Variants in TANC2 observed in about 807,000 individuals in gnomAD.
TANC2 encodes the protein tetratricopeptide repeat, ankyrin repeat and coiled-coil containing 2.
TANC2 carries 26 observed loss-of-function variants against 210.5 expected under a neutral mutation model. The observed-to-expected ratio is 0.12, with a 90% confidence interval of 0.09 to 0.17. TANC2 has a LOEUF of 0.17. Among genes scored for constraint, TANC2 ranks in the 10% least tolerant of loss-of-function variants. The probability of loss-of-function intolerance (pLI) is 1.00; values close to 1 mark genes in which losing one functional copy is unlikely to be tolerated. For synonymous variants in TANC2, 931 were observed against 967.1 expected, an observed-to-expected ratio of 0.96 and a Z score of 0.69; for missense variants, 2,129 against 2,608.9, an observed-to-expected ratio of 0.82 and a Z score of 4.01.
intron 2 of TANC2, among the ~76,000 whole-genome samples, chr17:63,052,050 G>T (rs2035601589): frequency 6.6e-6 from 1 of 152,198 alleles, no homozygotes; most frequent in Admixed American, 6.5e-5. Flanking sequence ...AAGCACAGAA[G>T]AGAGAAGTTC....
chr17:63,111,164 A>T (rs143910978), intron 4 of TANC2, among the ~76,000 whole-genome samples: 4,478 of 152,126 alleles, frequency 0.029, 82 homozygotes, highest in South Asian at 0.037. Flanking sequence ...ATACAAAAAA[A>T]ATTAGCTGGG....
At chr17:63,137,036 A>G (rs1349015255) in intron 4 of TANC2, among the ~76,000 whole-genome samples, 3 of 152,242 alleles carry the variant, frequency 2.0e-5, no homozygotes, top group East Asian at 1.9e-4. Context: ...GGCTAAAGAA[A>G]GAACTGAACA....
chr17:63,218,587 A>G (rs1276240613), intron 7 of TANC2, among the ~76,000 whole-genome samples: 1 of 152,078 alleles, frequency 6.6e-6, no homozygotes, highest in Non-Finnish European at 1.5e-5. Context: ...AAATCTACCA[A>G]AAATAACTAT....
At position 63,156,175 on chromosome 17, in the gene TANC2, T is replaced by G. The variant is rs75663234; in HGVS notation, c.433+4795T>G. Among the ~76,000 whole-genome samples, 1,300 of 152,304 alleles carry G rather than the reference T, an allele frequency of 8.5e-3. 16 individuals carry two copies. Among genetic ancestry groups the G allele is most frequent in the African/African-American group, 0.029 (1,191 of 41,572 alleles). The stretch of plus-strand genomic sequence containing the variant: ...GTACCAAGAGCCTTTTCCTCCTGTT[T>G]CATATCTTTTGTTATATTGTGTTTG... On this transcript the variant is annotated intron_variant, in intron 5 of 27. Transcript: ENST00000689528.
rs148150952 is a variant in TANC2, at chr17:63,229,186, C to G, written c.770-8628C>G. Among the ~76,000 whole-genome samples, 291 of 152,214 alleles carry G rather than the reference C, an allele frequency of 1.9e-3. 1 individual carries two copies. The highest frequency in any genetic ancestry group is 6.8e-3 in the African/African-American group (283 of 41,542). On this transcript the variant is annotated intron_variant, in intron 7 of 27. Coordinates refer to ENST00000689528, the Ensembl canonical transcript of TANC2. ...CCTTTTCTACGTCTATTGAAATGAT[C>G]ATGTGGTTTTTGTCTTTCCTTCTCT...
intron 26 of TANC2, among the ~76,000 whole-genome samples, chr17:63,417,871 C>T (rs2048913064): frequency 6.6e-6 from 1 of 152,172 alleles, no homozygotes; most frequent in South Asian, 2.1e-4. Flanking sequence ...ACCTTCTCAC[C>T]TGTCCCTTAG....
intron 1 of TANC2, among the ~76,000 whole-genome samples, chr17:62,971,433 G>A (rs749629704): frequency 3.3e-5 from 5 of 152,124 alleles, no homozygotes; most frequent in Non-Finnish European, 7.4e-5. Context: ...GGGCTCAGGC[G>A]ATCCTCTCAC....
At chr17:63,321,048 A>G (rs530918232) in intron 11 of TANC2, among the ~76,000 whole-genome samples, 1 of 152,250 alleles carries the variant, frequency 6.6e-6, no homozygotes, top group South Asian at 2.1e-4. Flanking sequence ...AAATACAAAA[A>G]TTAGCCAGGT....
chr17:63,288,510 C>A (rs928160024), intron 9 of TANC2, among the ~76,000 whole-genome samples: 1 of 152,148 alleles, frequency 6.6e-6, no homozygotes, highest in Non-Finnish European at 1.5e-5. Flanking sequence ...TGGGTAAAGT[C>A]ATCTATGGAT....
At chr17:63,163,016 G>T (rs146016572) in intron 5 of TANC2, among the ~76,000 whole-genome samples, 251 of 151,990 alleles carry the variant, frequency 1.7e-3, no homozygotes, top group African/African-American at 5.9e-3. Flanking sequence ...GGTTTGGCCA[G>T]ATTGGAATGA....
At chr17:63,000,564 T>G (rs2033327183) in intron 1 of TANC2, among the ~76,000 whole-genome samples, 1 of 152,152 alleles carries the variant, frequency 6.6e-6, no homozygotes, top group Admixed American at 6.5e-5. Context: ...ACATAAAAGC[T>G]TAGGGACCAT....
In TANC2 at chr17:63,324,500, T is replaced by C. The variant is rs181038575; in HGVS notation, c.1575+5410T>C. Reference sequence around the variant, plus strand: ...AAACATGCACACACACACACATACATACACAGAAAATGAAAAACAATAATG... The same window carrying C: ...AAACATGCACACACACACACATACACACACAGAAAATGAAAAACAATAATG... On this transcript the variant is annotated intron_variant, in intron 11 of 27. Coordinates refer to ENST00000689528, the Ensembl canonical transcript of TANC2. 3.3e-5 allele frequency among the ~76,000 whole-genome samples: 5 copies of C among 152,224 alleles called. No individual in the cohort carries two copies. In the East Asian group the frequency reaches 9.6e-4, roughly 29 times the overall value.
At chr17:63,226,123 A>G (rs72845217) in intron 7 of TANC2, among the ~76,000 whole-genome samples, 21,922 of 152,172 alleles carry the variant, frequency 0.14, 2,032 homozygotes, top group Middle Eastern at 0.21. Flanking sequence ...TATTTTGATT[A>G]CTGTTTTTCA....
intron 14 of TANC2, 119 bp from the exon 15 acceptor site, chr17:63,379,599 G>T: frequency 3.1e-6 from 2 of 638,358 alleles, no homozygotes; most frequent in South Asian, 5.2e-5. Flanking sequence ...AACCCAAGAG[G>T]TGGAGGCTGC....
At chr17:63,051,569 A>G (rs763454874) in intron 2 of TANC2, among the ~76,000 whole-genome samples, 5 of 152,224 alleles carry the variant, frequency 3.3e-5, no homozygotes, top group South Asian at 2.1e-4. Flanking sequence ...GGATCAGTCA[A>G]ATATTCATAA....
chr17:63,285,175 C>T (rs2146376697), intron 9 of TANC2, among the ~76,000 whole-genome samples: 1 of 151,926 alleles, frequency 6.6e-6, no homozygotes, highest in Non-Finnish European at 1.5e-5. Flanking sequence ...GCTTTTTTAT[C>T]CAATCTGTCT....
intron 3 of TANC2, among the ~76,000 whole-genome samples, chr17:63,091,214 A>G (rs2144809563): frequency 6.6e-6 from 1 of 152,200 alleles, no homozygotes; most frequent in East Asian, 1.9e-4. Context: ...CCTTAGTTTA[A>G]TTAGATCTCA....
At chr17:63,134,596 T>G (rs553195015) in intron 4 of TANC2, among the ~76,000 whole-genome samples, 4 of 152,106 alleles carry the variant, frequency 2.6e-5, no homozygotes, top group Non-Finnish European at 5.9e-5. Flanking sequence ...CAAAGAAAAA[T>G]AAATACTAAT....
intron 2 of TANC2, among the ~76,000 whole-genome samples, chr17:63,024,945 C>T (rs2034491074): frequency 6.6e-6 from 1 of 152,154 alleles, no homozygotes; most frequent in Non-Finnish European, 1.5e-5. Flanking sequence ...TATACCAGAG[C>T]AACAAGTAGC....
Sources: allele counts gnomAD v4.1 joint callset (sites outside exome capture counted in the v4.1 genomes callset), GRCh38; gene constraint gnomAD v4.1.1; transcripts MANE v1.5; gene names NCBI Gene and HGNC (gene_info 2026-07-23, HGNC 2026-07-21).